FSTL5: variants seen among roughly 807,000 people sequenced by gnomAD.
FSTL5 encodes the protein follistatin-related protein 5.
In FSTL5, 62 loss-of-function variants were observed where a neutral mutation model predicts 89.1. That is an observed-to-expected ratio of 0.70 (90% CI 0.57 to 0.86). FSTL5 has a LOEUF of 0.86. Ranked by LOEUF, FSTL5 falls within the 40% of genes least tolerant of loss-of-function variation. The pLI is 0.00. For missense variants in FSTL5, 1,057 were observed against 1,001.6 expected (o/e 1.06, Z -0.75); for synonymous variants, 383 against 346.2 (o/e 1.11, Z -1.18).
intron 7 of FSTL5, among the ~76,000 whole-genome samples, chr4:161,615,866 A>G (rs540638190): frequency 2.0e-3 from 303 of 152,284 alleles, no homozygotes; most frequent in Non-Finnish European, 3.2e-3. Flanking sequence ...TAAAAAATAT[A>G]AAACCCTTTA....
intron 5 of FSTL5, among the ~76,000 whole-genome samples, chr4:161,761,591 CTT>C (rs992025082): frequency 1.2e-4 from 19 of 152,156 alleles, no homozygotes; most frequent in Non-Finnish European, 4.4e-5. Context: ...ACTTTACAAA[CTT>C]AATGTATTAG....
chr4:161,401,279 G>A (rs1465219561), intron 15 of FSTL5, among the ~76,000 whole-genome samples: 1 of 152,112 alleles, frequency 6.6e-6, no homozygotes, highest in Non-Finnish European at 1.5e-5. Context: ...TTAACACAAT[G>A]ATGCTATAGA....
chr4:161,872,532 T>G (rs975204641), intron 4 of FSTL5, among the ~76,000 whole-genome samples: 1 of 152,200 alleles, frequency 6.6e-6, no homozygotes, highest in African/African-American at 2.4e-5. Flanking sequence ...GTATTCAACT[T>G]CCTGGTTCAT....
intron 3 of FSTL5, among the ~76,000 whole-genome samples, chr4:161,953,522 T>C (rs1649961017): frequency 3.3e-5 from 5 of 151,696 alleles, no homozygotes; most frequent in Admixed American, 3.3e-4. Context: ...TTATAGGTTG[T>C]ATGCAACCAA....
chr4:161,863,853 T>C (rs1401723297), intron 4 of FSTL5, among the ~76,000 whole-genome samples: 1 of 152,226 alleles, frequency 6.6e-6, no homozygotes, highest in African/African-American at 2.4e-5. Context: ...GTCTGGCCAC[T>C]TCTGGAGTCA....
intron 6 of FSTL5, among the ~76,000 whole-genome samples, chr4:161,701,711 T>G (rs1253808883): frequency 6.6e-6 from 1 of 152,132 alleles, no homozygotes; most frequent in Non-Finnish European, 1.5e-5. Flanking sequence ...TTAAAGACTT[T>G]GTCAAAAGTA....
chr4:161,505,068 G>A (rs2126491535), intron 11 of FSTL5, among the ~76,000 whole-genome samples: 1 of 152,152 alleles, frequency 6.6e-6, no homozygotes, highest in Middle Eastern at 3.4e-3. Flanking sequence ...ATAAATTACG[G>A]TGTTATACAG....
intron 13 of FSTL5, among the ~76,000 whole-genome samples, chr4:161,463,171 C>T (rs1434772783): frequency 1.3e-5 from 2 of 151,968 alleles, no homozygotes; most frequent in Non-Finnish European, 2.9e-5. Flanking sequence ...AAATATCAGC[C>T]AATTTTCAAA....
chr4:161,624,890 A>G (rs1735262267), intron 7 of FSTL5, among the ~76,000 whole-genome samples: 1 of 152,176 alleles, frequency 6.6e-6, no homozygotes, highest in South Asian at 2.1e-4. Context: ...TCCAGATTCT[A>G]TGCAGAAGTC....
At chr4:162,078,252 C>T (rs1169913927) in intron 2 of FSTL5, among the ~76,000 whole-genome samples, 1 of 151,728 alleles carries the variant, frequency 6.6e-6, no homozygotes, top group Admixed American at 6.6e-5. Flanking sequence ...GCATGTACTG[C>T]TATATATACC....
At chr4:162,018,206 T>G (rs1262650478) in intron 3 of FSTL5, among the ~76,000 whole-genome samples, 3 of 152,234 alleles carry the variant, frequency 2.0e-5, no homozygotes, top group Non-Finnish European at 4.4e-5. Flanking sequence ...TGGTTAGGAG[T>G]AAGAGAAGAG....
At chr4:161,779,758 GTT>G (rs1560840567) in intron 4 of FSTL5, among the ~76,000 whole-genome samples, 5 of 24,044 alleles carry the variant, frequency 2.1e-4, no homozygotes, top group African/African-American at 1.3e-3. Flanking sequence ...TATTTGTAAA[GTT>G]ATATATATAT....
intron 15 of FSTL5, among the ~76,000 whole-genome samples, chr4:161,388,713 C>A (rs1451791115): frequency 6.6e-6 from 1 of 152,042 alleles, no homozygotes; most frequent in Non-Finnish European, 1.5e-5. Flanking sequence ...ACTAGGCTCA[C>A]TGAATAAAAG....
intron 3 of FSTL5, among the ~76,000 whole-genome samples, chr4:161,929,156 CCTTT>C (rs1560921851): frequency 6.6e-6 from 1 of 151,336 alleles, no homozygotes. Flanking sequence ...CTCTTTCTTT[CCTTT>C]CTTTCTCTTT....
chr4:161,421,836 C>G lies in FSTL5; in HGVS notation c.1841+33168G>C, dbSNP rs1284139978. On this transcript the variant is annotated intron_variant, in intron 15 of 15. Coordinates refer to ENST00000306100, the MANE Select transcript of FSTL5 (RefSeq NM_020116.5). Reference sequence around the variant, plus strand: ...TACTGCCGTAAATGCTCTTGATTCTCAAATCTTTAGAAAATGGCTGGAACC... The same window carrying G: ...TACTGCCGTAAATGCTCTTGATTCTGAAATCTTTAGAAAATGGCTGGAACC... Among the ~76,000 whole-genome samples the G allele has an allele frequency of 3.3e-5, 5 of 152,100 alleles. No individual in the cohort carries two copies. In the East Asian group the frequency reaches 9.7e-4, roughly 29 times the overall value.
chr4:161,431,121 A>G (rs1040194513), intron 15 of FSTL5, among the ~76,000 whole-genome samples: 5 of 152,224 alleles, frequency 3.3e-5, no homozygotes. Flanking sequence ...AACAAGCTAT[A>G]CTGTAATAGT....
chr4:161,406,137 T>C (rs1453323116), intron 15 of FSTL5, among the ~76,000 whole-genome samples: 1 of 152,148 alleles, frequency 6.6e-6, no homozygotes, highest in African/African-American at 2.4e-5. Context: ...CAATAATGAA[T>C]ATTTAAAGAC....
At chr4:161,506,829 T>G (rs2126494372) in intron 11 of FSTL5, among the ~76,000 whole-genome samples, 1 of 152,310 alleles carries the variant, frequency 6.6e-6, no homozygotes, top group East Asian at 1.9e-4. Flanking sequence ...ATAATTTCAC[T>G]ACATTTCTAT....
At chr4:161,655,178 A>G (rs1198602314) in intron 7 of FSTL5, among the ~76,000 whole-genome samples, 3 of 152,150 alleles carry the variant, frequency 2.0e-5, no homozygotes, top group Admixed American at 2.0e-4. Flanking sequence ...AAGGGCATTA[A>G]ATAGATATTA....
Sources: allele counts gnomAD v4.1 joint callset (sites outside exome capture counted in the v4.1 genomes callset), GRCh38; gene constraint gnomAD v4.1.1; transcripts MANE v1.5; gene names NCBI Gene and HGNC (gene_info 2026-07-23, HGNC 2026-07-21).